The following ARID4A variants were observed in gnomAD, a reference collection of about 807,000 sequenced individuals.
The protein encoded by ARID4A is AT-rich interaction domain 4A, also known as AT-rich interactive domain-containing protein 4A.
ARID4A carries 39 observed loss-of-function variants against 148.6 expected under a neutral mutation model. The ratio of observed to expected loss-of-function variants is 0.26; its 90% CI spans 0.20 to 0.34. The LOEUF is 0.34. Among genes scored for constraint, ARID4A ranks in the 10% least tolerant of loss-of-function variants. The probability of loss-of-function intolerance (pLI) is 1.00; values close to 1 mark genes in which losing one functional copy is unlikely to be tolerated. For synonymous variants in ARID4A, 475 were observed against 481.2 expected (o/e 0.99, Z 0.17); for missense variants, 1,265 against 1,449.1 (o/e 0.87, Z 2.06).
chr14:58,344,616 T>G, intron 11 of ARID4A, 79 bp from the exon 12 acceptor site: 1 of 1,007,784 alleles, frequency 9.9e-7, no homozygotes, highest in Non-Finnish European at 1.5e-6. Flanking sequence ...TGACTTTACA[T>G]TGGGTTCACA....
At chr14:58,320,222 A>C (rs908718794) in intron 7 of ARID4A, among the ~76,000 whole-genome samples, 1 of 152,060 alleles carries the variant, frequency 6.6e-6, no homozygotes, top group Non-Finnish European at 1.5e-5. Context: ...TTGGGATTAC[A>C]GGCGTGAGCC....
At chr14:58,334,416 C>G (rs1479850641) in intron 11 of ARID4A, among the ~76,000 whole-genome samples, 1 of 152,254 alleles carries the variant, frequency 6.6e-6, no homozygotes, top group South Asian at 2.1e-4. Context: ...AAGTGCCTTA[C>G]TATGAATATA....
Position 58,364,972 on chromosome 14 carries a change from A to G in ARID4A, c.2883A>G (p.Glu961=). 6.2e-7 allele frequency: 1 copy of G among 1,614,128 alleles called. No homozygotes were observed. The highest frequency in any genetic ancestry group is 1.1e-5 in the South Asian group (1 of 91,078). The change falls in exon 20 of 24, where the codon GAA becomes GAG. Residue 961 remains glutamate (E), a synonymous_variant. Transcript: ENST00000355431. ...LIGPETLVCH[E]VDLDDLDEKD... is the part of the protein sequence containing the mutation. ...GGCCTGAAACCTTGGTTTGCCATGA[A>G]GTAGATTTGGATGATTTGGATGAAA...
At position 58,366,159 on chromosome 14, in the gene ARID4A, G is replaced by A; in HGVS notation, c.3452G>A (p.Gly1151Glu). 6.2e-7 allele frequency: 1 copy of A among 1,613,930 alleles called. No individual in the cohort carries two copies. The highest frequency in any genetic ancestry group is 8.5e-7 in the Non-Finnish European group (1 of 1,179,872). ...AGAATATCCCCGCACATCAAAGATG[G>A]AGAGAAAGATAAACACAGAGAAAAA... ...PARISPHIKD[G>E]EKDKHREKHP... The change falls in exon 22 of 24, where the codon GGA (glycine) becomes GAA (glutamate). Residue 1151 changes from glycine to glutamate, a missense_variant. Physicochemically the swap from Gly to Glu is moderately conservative, Grantham distance 98. This residue lies in a region of ARID4A where 666 missense variants were observed against 730.9 expected (regional missense o/e 0.91). Coordinates refer to ENST00000355431, the MANE Select transcript of ARID4A (RefSeq NM_002892.4).
At chr14:58,333,325 T>C (rs1176685806) in intron 11 of ARID4A, among the ~76,000 whole-genome samples, 1 of 152,126 alleles carries the variant, frequency 6.6e-6, no homozygotes, top group Non-Finnish European at 1.5e-5. Context: ...AAAAAGTCCA[T>C]GTAAACATAA....
rs201301198 is a variant in ARID4A at position 58,330,076 on chromosome 14, C to A, written c.813C>A (p.Ile271=). 3.7e-5 allele frequency: 59 copies of A among 1,613,124 alleles called. No homozygotes were observed. The highest frequency in any genetic ancestry group is 3.1e-5 in the Non-Finnish European group (36 of 1,179,784). ...ATTGGAAAATGGATATAAGTGAAATCCTTGAGTCATCCAGTAGTGATGATG... is the reference window on the plus strand; with the variant it reads ...ATTGGAAAATGGATATAAGTGAAATACTTGAGTCATCCAGTAGTGATGATG... ...PDNWKMDISE[I]LESSSSDDED... is the part of the protein sequence containing the mutation. The change falls in exon 11 of 24, where the codon ATC becomes ATA. Residue 271 remains isoleucine, a synonymous_variant. Coordinates refer to ENST00000355431, the MANE Select transcript of ARID4A (RefSeq NM_002892.4).
intron 17 of ARID4A, 86 bp from the exon 18 acceptor site, chr14:58,359,046 G>A (rs1331117140): frequency 2.9e-6 from 4 of 1,366,404 alleles, no homozygotes; most frequent in East Asian, 2.5e-5. Flanking sequence ...CTGTCTCACT[G>A]TTGTTTTCGT....
Position 58,307,428 on chromosome 14 carries a change from G to A in ARID4A, c.274+1316G>A, listed in dbSNP as rs148063557. 3.8e-3 allele frequency among the ~76,000 whole-genome samples: 579 copies of A among 152,260 alleles called. 1 individual carries two copies. The highest frequency in any genetic ancestry group is 6.4e-3 in the Non-Finnish European group (437 of 68,026). ...TTTCAAACCTCTTTGATGCTTCTTG[G>A]ACTTACTAGAATTTAGTGTTGGTTC... is the stretch of plus-strand genomic sequence containing the variant. On this transcript the variant is annotated intron_variant, in intron 5 of 23. Coordinates refer to ENST00000355431, the MANE Select transcript of ARID4A (RefSeq NM_002892.4).
chr14:58,303,002 CT>C (rs998963519), intron 3 of ARID4A, among the ~76,000 whole-genome samples: 6 of 148,434 alleles, frequency 4.0e-5, no homozygotes, highest in African/African-American at 4.9e-5. Flanking sequence ...TCTGAAATAA[CT>C]TTTTTTTTTG....
At chr14:58,350,800 T>A (rs2034603664) in intron 15 of ARID4A, among the ~76,000 whole-genome samples, 2 of 152,178 alleles carry the variant, frequency 1.3e-5, no homozygotes. Context: ...TTTATTTCTT[T>A]TTTGTTGTTG....
chr14:58,351,343 T>C lies in ARID4A; in HGVS notation c.1655+20T>C, dbSNP rs2034630084. 1 of 1,581,908 alleles carries C rather than the reference T, an allele frequency of 6.3e-7. No homozygotes were observed. Among genetic ancestry groups the C allele is most frequent in the African/African-American group, 1.4e-5 (1 of 72,848 alleles). On this transcript the variant is annotated intron_variant, in intron 16 of 23. Transcript: ENST00000355431. ...AGAGAGGTACATTATCTTATGTTTG[T>C]TCTCCAGAAGCACCTGTCTGGGGTA...
intron 1 of ARID4A, among the ~76,000 whole-genome samples, chr14:58,299,162 C>G (rs929942452): frequency 6.6e-6 from 1 of 152,218 alleles, no homozygotes; most frequent in African/African-American, 2.4e-5. Flanking sequence ...CCTCCCACAC[C>G]CTGTCCGGGC....
chr14:58,341,372 C>A (rs987082273), intron 11 of ARID4A, among the ~76,000 whole-genome samples: 2 of 152,220 alleles, frequency 1.3e-5, no homozygotes, highest in African/African-American at 2.4e-5. Flanking sequence ...TTCATGCTTA[C>A]GCTGTTTGCC....
intron 16 of ARID4A, chr14:58,351,739 A>T (rs2034647093): frequency 6.5e-6 from 1 of 154,434 alleles, no homozygotes; most frequent in African/African-American, 2.4e-5. Context: ...TCTGTGTGTT[A>T]GCTTTAAGAC....
chr14:58,334,992 A>G (rs1026074931), intron 11 of ARID4A, among the ~76,000 whole-genome samples: 3 of 152,160 alleles, frequency 2.0e-5, no homozygotes, highest in African/African-American at 7.2e-5. Context: ...TACACTGTTC[A>G]TGACCTCCCC....
chr14:58,357,643 T>C (rs2034943500), intron 17 of ARID4A, among the ~76,000 whole-genome samples: 1 of 146,682 alleles, frequency 6.8e-6, no homozygotes, highest in Non-Finnish European at 1.5e-5. Flanking sequence ...GCTCATCAGC[T>C]ATCGTTAGTG....
chr14:58,365,903 C>A, intron 21 of ARID4A, 121 bp from the exon 22 acceptor site: 1 of 912,748 alleles, frequency 1.1e-6, no homozygotes, highest in Non-Finnish European at 1.6e-6. Context: ...TTGTTATAAA[C>A]TTTGTGCATT....
intron 17 of ARID4A, among the ~76,000 whole-genome samples, chr14:58,355,338 C>T (rs1434890600): frequency 2.0e-5 from 3 of 152,124 alleles, no homozygotes; most frequent in Admixed American, 6.6e-5. Flanking sequence ...TGTTCCAGGA[C>T]CCCCAGTGGA....
At chr14:58,311,929 G>C (rs2140147878) in intron 5 of ARID4A, among the ~76,000 whole-genome samples, 1 of 151,668 alleles carries the variant, frequency 6.6e-6, no homozygotes, top group East Asian at 1.9e-4. Flanking sequence ...AGCTTGGTTG[G>C]GGTGGGCGGG....
Sources: allele counts gnomAD v4.1 joint callset (sites outside exome capture counted in the v4.1 genomes callset), GRCh38; gene constraint gnomAD v4.1.1; regional missense constraint gnomAD v4.1.1; transcripts MANE v1.5; gene names NCBI Gene and HGNC (gene_info 2026-07-23, HGNC 2026-07-21).